The following ZC3H8 variants were observed in gnomAD, a reference collection of about 807,000 sequenced individuals.
ZC3H8 encodes zinc finger CCCH domain-containing protein 8.
In ZC3H8, 27 loss-of-function variants were observed where a neutral mutation model predicts 42.5. The ratio of observed to expected loss-of-function variants is 0.64; its 90% confidence interval spans 0.47 to 0.88. The LOEUF is 0.88. ZC3H8 is among the 40% of genes least tolerant of loss of function. ZC3H8 has a pLI of 0.00. For synonymous variants in ZC3H8, 101 were observed against 110.1 expected (o/e 0.92, Z 0.52); for missense variants, 277 against 336.1 (o/e 0.82, Z 1.37).
intron 8 of ZC3H8, among the ~76,000 whole-genome samples, chr2:112,217,503 GT>G (rs1436735731): frequency 5.3e-5 from 8 of 152,332 alleles, no homozygotes; most frequent in African/African-American, 1.9e-4. Flanking sequence ...ATTGGTCTTT[GT>G]AGGTTGGATG....
At chr2:112,223,566 T>TTTAA (rs1684689882) in intron 8 of ZC3H8, among the ~76,000 whole-genome samples, 1 of 152,142 alleles carries the variant, frequency 6.6e-6, no homozygotes, top group Admixed American at 6.5e-5. Flanking sequence ...TATAAGAATA[T>TTTAA]TTAATTTAAA....
intron 1 of ZC3H8, among the ~76,000 whole-genome samples, chr2:112,252,430 CA>C (rs1348107773): frequency 1.3e-5 from 2 of 152,212 alleles, no homozygotes; most frequent in Non-Finnish European, 2.9e-5. Flanking sequence ...GCCACTAATA[CA>C]ACAATCCAAG....
rs35037343 is a variant in ZC3H8 at position 112,238,491 on chromosome 2, T to C, written c.194A>G (p.His65Arg). 1.8e-3 allele frequency: 2,850 copies of C among 1,611,876 alleles called. 44 individuals carry two copies. The African/African-American group carries it at 0.034, about 19-fold the overall frequency. ...HSAISPKSSL[H>R]RKSRSKDYDV... is the part of the protein sequence containing the mutation. The stretch of plus-strand genomic sequence containing the variant: ...ATAGTCCTTACTTCTTGATTTTCTA[T>C]GCAGCGAACTTTTTGGTGATATTGC... Residue 65 changes from histidine (H) to arginine (R), a missense_variant, in exon 3 of 9, where the codon CAT (histidine) becomes CGT (arginine). Transcript: ENST00000409573.
intron 8 of ZC3H8, among the ~76,000 whole-genome samples, chr2:112,226,691 G>A (rs1684857826): frequency 6.6e-6 from 1 of 151,824 alleles, no homozygotes; most frequent in African/African-American, 2.4e-5. Context: ...GGGGAAGCTG[G>A]AACACCTTTC....
At chr2:112,226,458 G>A (rs1573893019) in intron 8 of ZC3H8, among the ~76,000 whole-genome samples, 1 of 151,606 alleles carries the variant, frequency 6.6e-6, no homozygotes, top group Non-Finnish European at 1.5e-5. Flanking sequence ...GTGAGGTGGC[G>A]GGTGCCTGTA....
In ZC3H8 at chr2:112,254,964, A is replaced by C; in HGVS notation, c.18T>G (p.Leu6=). 1 of 1,611,922 alleles carries C rather than the reference A, an allele frequency of 6.2e-7. No individual in the cohort carries two copies. The highest frequency in any genetic ancestry group is 8.5e-7 in the Non-Finnish European group (1 of 1,179,162). Residue 6 remains leucine, a synonymous_variant, in exon 1 of 9, where the codon CTT becomes CTG. Transcript: ENST00000409573. MDFEN[L]FSKPPNPALG... is the part of the protein sequence containing the mutation. ...GGGCCGGGTTGGGGGGTTTTGAGAA[A>C]AGATTCTCAAAATCCATGACCCAGA...
intron 8 of ZC3H8, among the ~76,000 whole-genome samples, chr2:112,227,667 T>C (rs1684903938): frequency 6.6e-6 from 1 of 152,228 alleles, no homozygotes; most frequent in South Asian, 2.1e-4. Flanking sequence ...ATAAATTCTA[T>C]TTCTACATAC....
At chr2:112,225,138 CTT>C (rs1049158905) in intron 8 of ZC3H8, among the ~76,000 whole-genome samples, 3 of 152,034 alleles carry the variant, frequency 2.0e-5, no homozygotes, top group Non-Finnish European at 4.4e-5. Flanking sequence ...TTTCCTGAGA[CTT>C]TGCTGAATTT....
At position 112,226,219 on chromosome 2, in the gene ZC3H8, G is replaced by GT. The variant is rs374883985; in HGVS notation, c.*15+4683dup. On this transcript the variant is annotated intron_variant, in intron 8 of 8. Transcript: ENST00000409573. The stretch of plus-strand genomic sequence containing the variant: ...TGGAAAGATACAAATTACCAAAGCT[G>GT]TTTTTTTTTTAAAAAAGAAAAATCT... 4.0e-4 allele frequency among the ~76,000 whole-genome samples: 60 copies of GT among 148,524 alleles called. No homozygotes were observed. The East Asian group carries it at 4.6e-3, about 11-fold the overall frequency.
intron 8 of ZC3H8, among the ~76,000 whole-genome samples, chr2:112,227,782 G>T (rs74527181): frequency 0.016 from 2,363 of 151,926 alleles, 64 homozygotes; most frequent in African/African-American, 0.053. Flanking sequence ...CTGTACACTT[G>T]TACAGTGAAA....
intron 8 of ZC3H8, among the ~76,000 whole-genome samples, chr2:112,228,663 T>C (rs1446130700): frequency 6.6e-6 from 1 of 152,170 alleles, no homozygotes; most frequent in African/African-American, 2.4e-5. Flanking sequence ...AGAGCACATC[T>C]TGTGACTTTG....
Position 112,215,852 on chromosome 2 carries a change from G to A in ZC3H8, c.*632C>T, listed in dbSNP as rs780250824. 3.9e-5 allele frequency: 6 copies of A among 152,064 alleles called. No homozygotes were observed. The highest frequency in any genetic ancestry group is 1.4e-4 in the African/African-American group (6 of 41,504). The allele number at this position is 152,064 out of a possible 1,614,324, so 9.4% of individuals were successfully genotyped here. A position where few individuals can be genotyped will look rare whatever the true frequency, so the allele number is the denominator to read the frequency against. On this transcript the variant is annotated 3_prime_UTR_variant, in exon 9 of 9. Transcript: ENST00000409573. Reference sequence around the variant, plus strand: ...TATATTTTAACAACAGAAAAGTTACGAACTCTAAATTTAGAAATGGTATAG... The same window carrying A: ...TATATTTTAACAACAGAAAAGTTACAAACTCTAAATTTAGAAATGGTATAG...
chr2:112,226,029 T>C (rs972992049), intron 8 of ZC3H8, among the ~76,000 whole-genome samples: 4 of 145,676 alleles, frequency 2.7e-5, no homozygotes, highest in East Asian at 2.1e-4. Flanking sequence ...TTGCAGTGAG[T>C]TGAGATTATG....
intron 1 of ZC3H8, chr2:112,253,988 G>A (rs1573932811): frequency 8.0e-6 from 3 of 374,222 alleles, no homozygotes; most frequent in South Asian, 2.2e-4. Flanking sequence ...ATCTCGGCAG[G>A]TTATTTAGCC....
chr2:112,241,176 G>A (rs1413551106), intron 2 of ZC3H8, among the ~76,000 whole-genome samples: 1 of 152,050 alleles, frequency 6.6e-6, no homozygotes, highest in Non-Finnish European at 1.5e-5. Flanking sequence ...ACAAAAAACA[G>A]ACAAAGCTGT....
At chr2:112,236,785 G>A in intron 3 of ZC3H8, 90 bp from the exon 4 acceptor site, 1 of 1,174,908 alleles carries the variant, frequency 8.5e-7, no homozygotes, top group Non-Finnish European at 1.2e-6. Context: ...AGTGGCTCAT[G>A]TCTGTAATCC....
chr2:112,225,062 A>G (rs141708425), intron 8 of ZC3H8, among the ~76,000 whole-genome samples: 160 of 152,216 alleles, frequency 1.1e-3, no homozygotes, highest in African/African-American at 3.7e-3. Context: ...AATTGTTTAA[A>G]CTTCATTTTG....
chr2:112,246,535 C>T (rs1685771493), intron 2 of ZC3H8, among the ~76,000 whole-genome samples: 1 of 152,058 alleles, frequency 6.6e-6, no homozygotes, highest in South Asian at 2.1e-4. Flanking sequence ...TTGAGGAGTT[C>T]AAGACTTCAG....
intron 1 of ZC3H8, among the ~76,000 whole-genome samples, chr2:112,252,287 G>A (rs996520466): frequency 2.0e-5 from 3 of 152,026 alleles, no homozygotes; most frequent in Non-Finnish European, 4.4e-5. Context: ...TATCTAAAAC[G>A]GCAACACCAT....
Sources: gnomAD v4.1 joint callset for allele counts (sites outside exome capture counted in the v4.1 genomes callset) on GRCh38, gnomAD v4.1.1 for gene constraint, MANE v1.5 for transcripts, NCBI Gene and HGNC (gene_info 2026-07-23, HGNC 2026-07-21) for gene names.